Variants in CBFB observed in about 807,000 individuals in gnomAD.
The protein encoded by CBFB is CBF-beta.
In CBFB, 9 loss-of-function variants were observed where a neutral mutation model predicts 30.4. The ratio of observed to expected loss-of-function variants is 0.30; its 90% confidence interval spans 0.18 to 0.52. The LOEUF (loss-of-function observed/expected upper bound fraction) is 0.52. Among genes scored for constraint, CBFB ranks in the 20% least tolerant of loss-of-function variants. The pLI, the probability that CBFB is intolerant of heterozygous loss-of-function variation, is 0.97. For synonymous variants in CBFB, 94 were observed against 84.0 expected, an observed-to-expected ratio of 1.12 and a Z score of -0.65; for missense variants, 170 against 244.0, an observed-to-expected ratio of 0.70 and a Z score of 2.02.
intron 2 of CBFB, among the ~76,000 whole-genome samples, chr16:67,030,349 C>T (rs1470970996): frequency 1.3e-5 from 2 of 151,952 alleles, no homozygotes; most frequent in Non-Finnish European, 2.9e-5. Flanking sequence ...TGTTAAGCTT[C>T]AGGAGAATCA....
chr16:67,030,880 C>T (rs565989733), intron 2 of CBFB, among the ~76,000 whole-genome samples: 2 of 152,290 alleles, frequency 1.3e-5, no homozygotes, highest in East Asian at 1.9e-4. Flanking sequence ...AGGCGTGAGC[C>T]ACTGCGTCTG....
intron 4 of CBFB, among the ~76,000 whole-genome samples, chr16:67,077,860 A>C (rs1295891751): frequency 6.6e-6 from 1 of 152,250 alleles, no homozygotes; most frequent in Non-Finnish European, 1.5e-5. Context: ...TCTATGACAG[A>C]ACTGCTAAGC....
rs1375489780 is a variant in CBFB, at chr16:67,100,179, ATG to A, written c.*1403_*1404del. 4.7e-6 allele frequency: 1 copy of A among 211,270 alleles called. No homozygotes were observed. The highest frequency in any genetic ancestry group is 2.3e-5 in the African/African-American group (1 of 44,108). The allele number at this position is 211,270 out of a possible 1,614,324, so 13.1% of individuals were successfully genotyped here. ...TACTACATTTCTGAATTTTTGAAAAATGTATTTTATCATTAAATGGCATTATT... is the reference window on the plus strand; with the variant it reads ...TACTACATTTCTGAATTTTTGAAAAATATTTTATCATTAAATGGCATTATT... On this transcript the variant is annotated 3_prime_UTR_variant, in exon 6 of 6. Transcript: ENST00000412916.
Position 67,100,485 on chromosome 16 carries a change from G to A in CBFB, c.*1707G>A. 4.4e-6 allele frequency: 1 copy of A among 228,068 alleles called. No homozygotes were observed. The allele number at this position is 228,068 out of a possible 1,614,324, so 14.1% of individuals were successfully genotyped here. Reference sequence around the variant, plus strand: ...TTGCATAACTATAAGTACTATGAATGAATTTGGTTGGTTTTGGTGTTGTAC... The same window carrying A: ...TTGCATAACTATAAGTACTATGAATAAATTTGGTTGGTTTTGGTGTTGTAC... On this transcript the variant is annotated 3_prime_UTR_variant, in exon 6 of 6. Coordinates refer to ENST00000412916, the MANE Select transcript of CBFB (RefSeq NM_022845.3).
intron 4 of CBFB, among the ~76,000 whole-genome samples, chr16:67,074,994 AC>A (rs909772711): frequency 1.3e-5 from 2 of 151,990 alleles, no homozygotes; most frequent in African/African-American, 4.8e-5. Flanking sequence ...GGAGTTGGAG[AC>A]CAGCCTGGTA....
chr16:67,055,734 C>G (rs1378875908), intron 3 of CBFB, among the ~76,000 whole-genome samples: 1 of 152,090 alleles, frequency 6.6e-6, no homozygotes, highest in African/African-American at 2.4e-5. Flanking sequence ...CATTAAATCA[C>G]TATAGAAGAA....
chr16:67,095,210 CA>C (rs71145959), intron 5 of CBFB, among the ~76,000 whole-genome samples: 1,496 of 27,034 alleles, frequency 0.055, 17 homozygotes, highest in African/African-American at 0.15. Context: ...AAGTGTGTCT[CA>C]AAAAAAAAAA....
At chr16:67,068,421 C>T (rs1429486024) in intron 4 of CBFB, among the ~76,000 whole-genome samples, 2 of 151,872 alleles carry the variant, frequency 1.3e-5, no homozygotes, top group Non-Finnish European at 2.9e-5. Context: ...CTCAAGGCTG[C>T]AGTGAACTAT....
chr16:67,070,470 A>G (rs1961187663), intron 4 of CBFB, among the ~76,000 whole-genome samples: 1 of 152,210 alleles, frequency 6.6e-6, no homozygotes, highest in African/African-American at 2.4e-5. Context: ...ATAACCAGCA[A>G]TCTAAAAGTC....
chr16:67,083,875 A>G (rs1384777492), intron 5 of CBFB, among the ~76,000 whole-genome samples: 1 of 152,140 alleles, frequency 6.6e-6, no homozygotes, highest in Non-Finnish European at 1.5e-5. Context: ...TTCTTTAAAA[A>G]TTATATTCTA....
intron 5 of CBFB, among the ~76,000 whole-genome samples, chr16:67,087,648 T>A (rs1961767901): frequency 6.6e-6 from 1 of 152,234 alleles, no homozygotes; most frequent in Admixed American, 6.5e-5. Context: ...TTTATATGTA[T>A]ATATGAACAG....
intron 3 of CBFB, among the ~76,000 whole-genome samples, chr16:67,041,204 A>G (rs1472046718): frequency 2.6e-5 from 4 of 152,212 alleles, no homozygotes; most frequent in Non-Finnish European, 5.9e-5. Context: ...CTTCCGAAGT[A>G]GCTGGGAGTA....
chr16:67,056,602 G>A (rs1003023832), intron 3 of CBFB, among the ~76,000 whole-genome samples: 2 of 151,598 alleles, frequency 1.3e-5, no homozygotes, highest in South Asian at 2.1e-4. Context: ...TAAACATCCC[G>A]TGTAACATGC....
intron 5 of CBFB, among the ~76,000 whole-genome samples, chr16:67,089,353 T>G (rs1234158003): frequency 6.6e-6 from 1 of 152,186 alleles, no homozygotes; most frequent in Non-Finnish European, 1.5e-5. Context: ...AAACTGGAAC[T>G]AGAAACTATG....
chr16:67,071,696 T>C (rs1227090248), intron 4 of CBFB, among the ~76,000 whole-genome samples: 1 of 152,200 alleles, frequency 6.6e-6, no homozygotes, highest in African/African-American at 2.4e-5. Flanking sequence ...GGGATAATGC[T>C]GCCCACAAGA....
intron 3 of CBFB, among the ~76,000 whole-genome samples, chr16:67,054,649 T>C (rs1960659778): frequency 6.6e-6 from 1 of 152,210 alleles, no homozygotes; most frequent in Admixed American, 6.5e-5. Flanking sequence ...ATTTTCTTAC[T>C]GTCTCTTTTG....
At chr16:67,038,913 G>A (rs1253840192) in intron 3 of CBFB, among the ~76,000 whole-genome samples, 1 of 152,104 alleles carries the variant, frequency 6.6e-6, no homozygotes, top group Non-Finnish European at 1.5e-5. Flanking sequence ...CAGAAATTAA[G>A]TTTGCTTGAA....
intron 3 of CBFB, among the ~76,000 whole-genome samples, chr16:67,042,366 C>T (rs536908562): frequency 4.6e-5 from 7 of 152,296 alleles, no homozygotes; most frequent in Admixed American, 4.6e-4. Context: ...TCAGGCTGGC[C>T]TCTAACTCCT....
chr16:67,045,742 A>G (rs566040694), intron 3 of CBFB, among the ~76,000 whole-genome samples: 1 of 151,880 alleles, frequency 6.6e-6, no homozygotes, highest in East Asian at 1.9e-4. Context: ...GGCAGAAATA[A>G]TATGTCTGAG....
Sources: allele counts gnomAD v4.1 joint callset (sites outside exome capture counted in the v4.1 genomes callset), GRCh38; gene constraint gnomAD v4.1.1; transcripts MANE v1.5; gene names NCBI Gene and HGNC (gene_info 2026-07-23, HGNC 2026-07-21).